The following TRAPPC11 variants were observed in gnomAD, a reference collection of about 807,000 sequenced individuals.
TRAPPC11 encodes the protein foie gras homolog.
Under a neutral mutation model 151.2 loss-of-function variants are expected in TRAPPC11, and 104 were observed. The observed-to-expected ratio is 0.69, with a 90% CI of 0.59 to 0.81. The LOEUF (loss-of-function observed/expected upper bound fraction) is 0.81, where lower values mean the gene tolerates loss of function less well. Ranked by LOEUF, TRAPPC11 falls within the 30% of genes least tolerant of loss-of-function variation. The pLI is 0.00. For synonymous variants in TRAPPC11, 456 were observed against 472.3 expected (o/e 0.97, Z 0.45); for missense variants, 1,230 against 1,349.6 (o/e 0.91, Z 1.39).
At chr4:183,693,473 TG>T in intron 20 of TRAPPC11, 115 bp from the exon 21 acceptor site, 3 of 1,160,504 alleles carry the variant, frequency 2.6e-6, no homozygotes, top group Non-Finnish European at 3.6e-6. Context: ...CCCAAAATGC[TG>T]GGATTACAGG....
intron 1 of TRAPPC11, among the ~76,000 whole-genome samples, chr4:183,661,427 A>T (rs7659470): frequency 0.26 from 34,620 of 133,096 alleles, 4,132 homozygotes; most frequent in Admixed American, 0.32. Flanking sequence ...GCTGGAGTGC[A>T]GTGGCGCGAT....
chr4:183,667,019 A>G (rs1467864433), intron 3 of TRAPPC11, 41 bp from the exon 4 acceptor site: 2 of 1,515,770 alleles, frequency 1.3e-6, no homozygotes, highest in Non-Finnish European at 1.8e-6. Context: ...TACATTTTTT[A>G]AGTTAAAATA....
chr4:183,677,697 C>T, intron 8 of TRAPPC11, 143 bp downstream of exon 8: 1 of 598,330 alleles, frequency 1.7e-6, no homozygotes, highest in East Asian at 2.8e-5. Flanking sequence ...TCCTTTTTCT[C>T]AGAAGGGCAT....
Position 183,706,860 on chromosome 4 carries a change from C to T in TRAPPC11, c.3109C>T (p.Gln1037Ter). 1.2e-6 allele frequency: 2 copies of T among 1,614,076 alleles called. No homozygotes were observed. Among genetic ancestry groups the T allele is most frequent in the Non-Finnish European group, 8.5e-7 (1 of 1,179,960 alleles). Residue 1037 changes from glutamine to a stop codon, truncating the protein, a stop_gained, in exon 28 of 30, where the codon CAG becomes TAG. Transcript: ENST00000334690. LOFTEE classifies it high-confidence loss of function. ...GTCGTTACCTGTCAAGTATCACCTA[C>T]AGAATAAGACCGACTTAGTTCAAGA... ...RESLPVKYHLQNKTDLVQDVE... is the reference protein window; with the variant it reads ...RESLPVKYHL
intron 28 of TRAPPC11, 34 bp from the exon 29 acceptor site, chr4:183,708,373 T>C (rs921828241): frequency 5.6e-6 from 9 of 1,600,042 alleles, no homozygotes; most frequent in Non-Finnish European, 7.7e-6. Flanking sequence ...TATGTGTATT[T>C]GATTATCTTT....
chr4:183,681,560 C>A (rs1483846380), intron 10 of TRAPPC11, among the ~76,000 whole-genome samples: 1 of 151,974 alleles, frequency 6.6e-6, no homozygotes, highest in Non-Finnish European at 1.5e-5. Flanking sequence ...GTGGGCAGAT[C>A]ACAAGGTCAG....
chr4:183,697,492 T>C lies in TRAPPC11; in HGVS notation c.2629-11T>C. On this transcript the variant is annotated splice_polypyrimidine_tract_variant and intron_variant, in intron 23 of 29. Transcript: ENST00000334690. ...AAAATCCATGAATGTGCCCTTTACA[T>C]TTTCTTGCAGGATGAAACTGTAACA... The C allele has an allele frequency of 6.3e-7, 1 of 1,593,266 alleles. No individual in the cohort carries two copies. Among genetic ancestry groups the C allele is most frequent in the Non-Finnish European group, 8.5e-7 (1 of 1,175,270 alleles).
At chr4:183,694,143 C>A in intron 22 of TRAPPC11, 105 bp downstream of exon 22, 1 of 1,211,296 alleles carries the variant, frequency 8.3e-7, no homozygotes, top group Non-Finnish European at 1.2e-6. Flanking sequence ...TATTCTAGGA[C>A]TGAAAAAGTG....
intron 1 of TRAPPC11, among the ~76,000 whole-genome samples, chr4:183,662,908 C>T (rs1734631130): frequency 6.6e-6 from 1 of 152,094 alleles, no homozygotes; most frequent in African/African-American, 2.4e-5. Flanking sequence ...TTAAAGTTGA[C>T]TTCATTTTTA....
At chr4:183,683,680 A>T (rs998667579) in intron 11 of TRAPPC11, among the ~76,000 whole-genome samples, 1 of 152,150 alleles carries the variant, frequency 6.6e-6, no homozygotes, top group African/African-American at 2.4e-5. Flanking sequence ...AAAAAAGGAA[A>T]TGATTATCTC....
Position 183,694,034 on chromosome 4 carries a change from A to T in TRAPPC11, c.2504A>T (p.Glu835Val). The change falls in exon 22 of 30, where the codon GAA becomes GTA. Residue 835 changes from glutamate to valine, a missense_variant. Physicochemically the swap from Glu to Val is moderately radical, Grantham distance 121. Transcript: ENST00000334690. ...CCTGTTGGAGACTTACATCCAGGGG[A>T]ACAGGTAAACTTGGTCAACTGGGAT... ...DIPVGDLHPG[E>V]QLEKMLYVRC... The T allele has an allele frequency of 6.2e-7, 1 of 1,613,626 alleles. No homozygotes were observed. The highest frequency in any genetic ancestry group is 1.3e-5 in the African/African-American group (1 of 75,056).
At chr4:183,676,262 GTC>G in intron 7 of TRAPPC11, among the ~76,000 whole-genome samples, 1 of 151,972 alleles carries the variant, frequency 6.6e-6, no homozygotes. Flanking sequence ...TGATTCTCCT[GTC>G]TCAGCCTCCC....
chr4:183,698,837 A>T (rs1474638835), intron 25 of TRAPPC11, among the ~76,000 whole-genome samples: 1 of 152,158 alleles, frequency 6.6e-6, no homozygotes, highest in African/African-American at 2.4e-5. Context: ...GGGTTGTTGT[A>T]CGTACACTTG....
chr4:183,687,804 A>G (rs1225633591), intron 18 of TRAPPC11, among the ~76,000 whole-genome samples: 2 of 152,218 alleles, frequency 1.3e-5, no homozygotes, highest in African/African-American at 4.8e-5. Flanking sequence ...GAATAGATGG[A>G]TATAATGTGA....
chr4:183,705,375 A>G (rs1737004937), intron 27 of TRAPPC11, among the ~76,000 whole-genome samples: 6 of 152,212 alleles, frequency 3.9e-5, no homozygotes, highest in Admixed American at 3.9e-4. Flanking sequence ...TAATGTCTTA[A>G]TGTCATCAAA....
intron 25 of TRAPPC11, among the ~76,000 whole-genome samples, chr4:183,700,103 C>T (rs1356564475): frequency 3.9e-5 from 6 of 152,138 alleles, no homozygotes; most frequent in Admixed American, 1.3e-4. Context: ...TGAGCCACCA[C>T]GCCCAGCCAA....
At chr4:183,660,265 T>A (rs948484476) in intron 1 of TRAPPC11, among the ~76,000 whole-genome samples, 2 of 152,240 alleles carry the variant, frequency 1.3e-5, no homozygotes, top group African/African-American at 2.4e-5. Context: ...ACATTTCCCA[T>A]AATTTAGATC....
chr4:183,662,024 A>G (rs1734578141), intron 1 of TRAPPC11, among the ~76,000 whole-genome samples: 1 of 152,046 alleles, frequency 6.6e-6, no homozygotes, highest in African/African-American at 2.4e-5. Flanking sequence ...TTGTCCTCCA[A>G]AAGTGCTGGG....
At chr4:183,705,838 T>C (rs1271781164) in intron 27 of TRAPPC11, 4 of 152,232 alleles carry the variant, frequency 2.6e-5, no homozygotes, top group Non-Finnish European at 2.9e-5. Flanking sequence ...CTGTCCATCA[T>C]TCTTTCTTTA....
Sources: gnomAD v4.1 joint callset for allele counts (sites outside exome capture counted in the v4.1 genomes callset) on GRCh38, gnomAD v4.1.1 for gene constraint, MANE v1.5 for transcripts, NCBI Gene and HGNC (gene_info 2026-07-23, HGNC 2026-07-21) for gene names.